The following ADAMTS17 variants were observed in gnomAD, a reference collection of about 807,000 sequenced individuals.
The protein encoded by ADAMTS17 is A disintegrin and metalloproteinase with thrombospondin motifs 17.
A neutral mutation model predicts 141.5 loss-of-function variants in ADAMTS17; 113 were observed. The ratio of observed to expected loss-of-function variants is 0.80; its 90% CI spans 0.69 to 0.93. The LOEUF (loss-of-function observed/expected upper bound fraction) is 0.93, where lower values mean the gene tolerates loss of function less well. ADAMTS17 is among the 40% of genes least tolerant of loss of function. The pLI, the probability that ADAMTS17 is intolerant of heterozygous loss-of-function variation, is 0.00. For missense variants in ADAMTS17, 1,659 were observed against 1,517.9 expected (o/e 1.09, Z -1.54); for synonymous variants, 768 against 630.6 (o/e 1.22, Z -3.27).
chr15:100,340,776 T>TA (rs1309949263), intron 2 of ADAMTS17, among the ~76,000 whole-genome samples: 1 of 72,224 alleles, frequency 1.4e-5, no homozygotes, highest in African/African-American at 4.2e-5. Context: ...GGGCGGCGTA[T>TA]ACCCCACGCA....
intron 14 of ADAMTS17, among the ~76,000 whole-genome samples, chr15:100,100,130 G>T (rs1436423135): frequency 6.6e-6 from 1 of 152,188 alleles, no homozygotes; most frequent in Non-Finnish European, 1.5e-5. Context: ...TGGAAATAAA[G>T]ACATGTAAGA....
intron 14 of ADAMTS17, among the ~76,000 whole-genome samples, chr15:100,103,765 G>A (rs530405952): frequency 1.9e-4 from 29 of 152,132 alleles, no homozygotes; most frequent in African/African-American, 6.3e-4. Context: ...TGGTAGAGAC[G>A]GGGTTTCACC....
intron 15 of ADAMTS17, among the ~76,000 whole-genome samples, chr15:100,092,727 A>T (rs1287984998): frequency 6.6e-6 from 1 of 152,114 alleles, no homozygotes; most frequent in East Asian, 1.9e-4. Flanking sequence ...TTCAAAAGGG[A>T]TCCTCACCCC....
intron 8 of ADAMTS17, among the ~76,000 whole-genome samples, chr15:100,164,820 T>C (rs963801044): frequency 1.3e-5 from 2 of 152,046 alleles, no homozygotes; most frequent in Non-Finnish European, 2.9e-5. Flanking sequence ...ACTCCTGGAG[T>C]AAAGCTTAAG....
At chr15:100,128,399 A>G (rs2037857122) in intron 12 of ADAMTS17, 1 of 152,166 alleles carries the variant, frequency 6.6e-6, no homozygotes, top group Non-Finnish European at 1.5e-5. Context: ...TCCTTCTGCC[A>G]TCGCCCTGCC....
chr15:99,974,683 C>A (rs2060284560), intron 21 of ADAMTS17, 121 bp from the exon 22 acceptor site: 1 of 1,296,508 alleles, frequency 7.7e-7, no homozygotes, highest in South Asian at 1.2e-5. Context: ...CACACGTCAA[C>A]CCTTTGCACT....
In ADAMTS17 at chr15:99,972,459, G is replaced by A. The variant is rs1440103469; in HGVS notation, c.*1943C>T. The A allele has an allele frequency of 2.0e-5, 3 of 152,144 alleles. No individual in the cohort carries two copies. The highest frequency in any genetic ancestry group is 2.9e-5 in the Non-Finnish European group (2 of 68,036). 9.4% of individuals were successfully genotyped at this position (152,144 alleles called of 1,614,324 possible). A position where few individuals can be genotyped will look rare whatever the true frequency, so the allele number is the denominator to read the frequency against. On this transcript the variant is annotated 3_prime_UTR_variant, in exon 22 of 22. Coordinates refer to ENST00000268070, the MANE Select transcript of ADAMTS17 (RefSeq NM_139057.4). The stretch of plus-strand genomic sequence containing the variant: ...TAAGGCTTCCTTAGTGAGCTTGCCC[G>A]GCTCTGCTCCTTGGCTGCAAAAGTC...
At chr15:100,093,353 T>G (rs982422350) in intron 15 of ADAMTS17, among the ~76,000 whole-genome samples, 1 of 152,160 alleles carries the variant, frequency 6.6e-6, no homozygotes, top group Non-Finnish European at 1.5e-5. Flanking sequence ...AAATCCAGCA[T>G]TTGATTCCGC....
At chr15:100,089,930 T>C (rs991770077) in intron 15 of ADAMTS17, among the ~76,000 whole-genome samples, 1 of 150,938 alleles carries the variant, frequency 6.6e-6, no homozygotes, top group Non-Finnish European at 1.5e-5. Context: ...CTTGTATACA[T>C]ATGTAACAAA....
At chr15:100,331,759 A>AC in intron 2 of ADAMTS17, among the ~76,000 whole-genome samples, 1 of 151,800 alleles carries the variant, frequency 6.6e-6, no homozygotes, top group Non-Finnish European at 1.5e-5. Flanking sequence ...TCCCTCTTCC[A>AC]CCCTCACTTT....
chr15:100,338,220 G>A (rs1163054666), intron 2 of ADAMTS17, among the ~76,000 whole-genome samples: 2 of 152,132 alleles, frequency 1.3e-5, no homozygotes, highest in East Asian at 1.9e-4. Flanking sequence ...AGGAAAAGGA[G>A]CAAAAATGGA....
At chr15:100,339,571 TCCC>T in intron 2 of ADAMTS17, among the ~76,000 whole-genome samples, 1 of 126,586 alleles carries the variant, frequency 7.9e-6, no homozygotes, top group Non-Finnish European at 1.7e-5. Flanking sequence ...CAACCCACAT[TCCC>T]CGCCCCAGGT....
chr15:100,236,984 C>T (rs1313504067), intron 7 of ADAMTS17, among the ~76,000 whole-genome samples: 1 of 152,190 alleles, frequency 6.6e-6, no homozygotes, highest in Non-Finnish European at 1.5e-5. Flanking sequence ...CTCATCTCTG[C>T]ACAACATGAG....
chr15:100,171,875 G>A (rs111791216), intron 8 of ADAMTS17, among the ~76,000 whole-genome samples: 221 of 152,292 alleles, frequency 1.5e-3, no homozygotes, highest in African/African-American at 4.9e-3. Context: ...TCTTAACCCC[G>A]TGGAACTATG....
At chr15:100,141,474 AAGAG>A (rs1008036360) in intron 10 of ADAMTS17, among the ~76,000 whole-genome samples, 3 of 152,218 alleles carry the variant, frequency 2.0e-5, no homozygotes, top group African/African-American at 7.2e-5. Context: ...CACAAGCCAA[AAGAG>A]AGAGAAAATC....
chr15:100,274,293 A>G (rs2044008340), intron 4 of ADAMTS17, among the ~76,000 whole-genome samples: 1 of 152,206 alleles, frequency 6.6e-6, no homozygotes, highest in Non-Finnish European at 1.5e-5. Flanking sequence ...CTATTATTGT[A>G]CAACTGTGTA....
intron 18 of ADAMTS17, among the ~76,000 whole-genome samples, chr15:100,041,197 A>G (rs1046552837): frequency 6.6e-5 from 10 of 152,220 alleles, no homozygotes; most frequent in Admixed American, 2.6e-4. Flanking sequence ...TAAAAACCAA[A>G]TACGCTTCCT....
At chr15:100,298,918 G>T (rs1464092160) in intron 3 of ADAMTS17, among the ~76,000 whole-genome samples, 2 of 152,158 alleles carry the variant, frequency 1.3e-5, no homozygotes, top group Non-Finnish European at 2.9e-5. Flanking sequence ...AGTCAGTGGG[G>T]TTGGTTTCTT....
At chr15:100,195,172 C>T (rs1276522105) in intron 8 of ADAMTS17, among the ~76,000 whole-genome samples, 1 of 152,216 alleles carries the variant, frequency 6.6e-6, no homozygotes. Flanking sequence ...TTAGCGTGAC[C>T]GCTGCTCAGC....
Sources: allele counts gnomAD v4.1 joint callset (sites outside exome capture counted in the v4.1 genomes callset), GRCh38; gene constraint gnomAD v4.1.1; transcripts MANE v1.5; gene names NCBI Gene and HGNC (gene_info 2026-07-23, HGNC 2026-07-21).